Variants in SEMA3G observed in about 807,000 individuals in gnomAD.
SEMA3G encodes semaphorin-3G.
In SEMA3G, 70 loss-of-function variants were observed where a neutral mutation model predicts 86.2. That is an observed-to-expected ratio of 0.81 (90% CI 0.67 to 0.99). The LOEUF is 0.99. SEMA3G is among the 50% of genes least tolerant of loss of function. The pLI, the probability that SEMA3G is intolerant of heterozygous loss-of-function variation, is 0.00. For missense variants in SEMA3G, 1,002 were observed against 1,072.4 expected (o/e 0.93, Z 0.92); for synonymous variants, 416 against 441.4 (o/e 0.94, Z 0.72).
chr3:52,442,550 A>G lies in SEMA3G; in HGVS notation c.339+9T>C, dbSNP rs1374626531. ...AGGTCGGGGGACCATCCCTCCCGAC[A>G]GCACTCACCAAAGGATCTCTTCCCT... On this transcript the variant is annotated intron_variant, in intron 3 of 15. Transcript: ENST00000231721. The surrounding 1 kb of genome is among the most constrained non-coding windows in gnomAD (Gnocchi z 6.1). 1 of 1,614,034 alleles carries G rather than the reference A, an allele frequency of 6.2e-7. No individual in the cohort carries two copies. The highest frequency in any genetic ancestry group is 1.1e-5 in the South Asian group (1 of 91,084).
rs369798752 is a variant in SEMA3G at position 52,440,349 on chromosome 3, C to CCCTGG, written c.1143+23_1143+27dup. ...CCCCACATCTGCTCAGGCCTCGCTTCCCTGGCCTGGCCCCAGCAGATACTC... is the reference window on the plus strand; with the variant it reads ...CCCCACATCTGCTCAGGCCTCGCTTCCCTGGCCTGGCCTGGCCCCAGCAGATACTC... On this transcript the variant is annotated intron_variant, in intron 10 of 15. Coordinates refer to ENST00000231721, the MANE Select transcript of SEMA3G (RefSeq NM_020163.3). 5 of 1,562,478 alleles carry CCCTGG rather than the reference C, an allele frequency of 3.2e-6. No homozygotes were observed. The African/African-American group carries it at 5.5e-5, about 17-fold the overall frequency.
At position 52,442,865 on chromosome 3, in the gene SEMA3G, T is replaced by TG. The variant is rs1559612293; in HGVS notation, c.157dup (p.Gln53ProfsTer13). 2 of 1,608,760 alleles carry TG rather than the reference T, an allele frequency of 1.2e-6. No homozygotes were observed. The highest frequency in any genetic ancestry group is 1.7e-6 in the Non-Finnish European group (2 of 1,177,622). On this transcript the variant is annotated frameshift_variant, in exon 2 of 16. Coordinates refer to ENST00000231721, the MANE Select transcript of SEMA3G (RefSeq NM_020163.3). LOFTEE classifies it high-confidence loss of function. The surrounding 1 kb of genome is among the most constrained non-coding windows in gnomAD (Gnocchi z 6.1). ...CATGGCCTGGAGGTTCAGGGAGCCC[T>TG]GGGGGCCCAGAAAGATGGCAGAGCG...
At position 52,435,898 on chromosome 3, in the gene SEMA3G, G is replaced by A. The variant is rs143787641; in HGVS notation, c.2054C>T (p.Pro685Leu). Residue 685 changes from proline (P) to leucine (L), a missense_variant, in exon 16 of 16, where the codon CCG becomes CTG. Transcript: ENST00000231721. ...TGGGGGCTCCTCTGGCTTTGGCTCC[G>A]GAGGGAACAGGTTGTCCAGCTGTGA... The part of the protein sequence containing the change: ...VASQLDNLFP[P>L]EPKPEEPPAR... The A allele has an allele frequency of 1.7e-5, 27 of 1,613,912 alleles. No individual in the cohort carries two copies. The highest frequency in any genetic ancestry group is 1.6e-4 in the Middle Eastern group (1 of 6,084).
At position 52,440,998 on chromosome 3, in the gene SEMA3G, G is replaced by T; in HGVS notation, c.864C>A (p.Leu288=). Residue 288 remains leucine (L), a synonymous_variant, in exon 8 of 16, where the codon CTC becomes CTA. Coordinates refer to ENST00000231721, the MANE Select transcript of SEMA3G (RefSeq NM_020163.3). ...GCACCGAGCAGACCAGCCTGGCCTT[G>T]AGGAAAGTGCTCCATTTGTTCACCA... ...RVLVNKWSTF[L]KARLVCSVPG... is the part of the protein sequence containing the mutation. 6.2e-7 allele frequency: 1 copy of T among 1,605,532 alleles called. No homozygotes were observed.
At chr3:52,441,124 C>T (rs1311091421) in intron 7 of SEMA3G, 76 bp from the exon 8 acceptor site, 3 of 1,471,012 alleles carry the variant, frequency 2.0e-6, no homozygotes, top group Non-Finnish European at 2.8e-6. Context: ...TACCCTCACC[C>T]ACTCGGGGAG....
In SEMA3G at chr3:52,442,325, T is replaced by G. The variant is rs1578259245; in HGVS notation, c.340-21A>C. On this transcript the variant is annotated intron_variant, in intron 3 of 15. Transcript: ENST00000231721. The surrounding 1 kb of genome is among the most constrained non-coding windows in gnomAD (Gnocchi z 6.1). ...TCTGTCTGCGGGGAGAAGGAGGGGG[T>G]GGTTGAGGGGTGAGAGGGGGTGCCC... 6.4e-7 allele frequency: 1 copy of G among 1,551,806 alleles called. No individual in the cohort carries two copies. The highest frequency in any genetic ancestry group is 8.7e-7 in the Non-Finnish European group (1 of 1,147,486).
intron 1 of SEMA3G, chr3:52,443,179 T>G: frequency 3.0e-6 from 2 of 677,806 alleles, no homozygotes; most frequent in Non-Finnish European, 2.4e-6. Context: ...AGCTAACATC[T>G]TCCCACTGTC....
chr3:52,439,046 G>T, intron 12 of SEMA3G, 85 bp from the exon 13 acceptor site: 2 of 1,471,020 alleles, frequency 1.4e-6, no homozygotes, highest in South Asian at 1.2e-5. Flanking sequence ...TCCAACCCTG[G>T]GGTGGGAACC....
chr3:52,437,050 G>A (rs1237127011), intron 15 of SEMA3G, among the ~76,000 whole-genome samples: 2 of 152,182 alleles, frequency 1.3e-5, no homozygotes, highest in African/African-American at 4.8e-5. Context: ...AGGAAGTGTG[G>A]GGCCAGGCTT....
chr3:52,441,122 C>A, intron 7 of SEMA3G, 74 bp from the exon 8 acceptor site: 1 of 1,471,588 alleles, frequency 6.8e-7, no homozygotes, highest in Non-Finnish European at 9.2e-7. Context: ...TCTACCCTCA[C>A]CCACTCGGGG....
intron 7 of SEMA3G, 87 bp from the exon 8 acceptor site, chr3:52,441,135 A>G: frequency 6.8e-7 from 1 of 1,464,996 alleles, no homozygotes; most frequent in Non-Finnish European, 9.3e-7. Context: ...ACTCGGGGAG[A>G]GGTATGCATG....
Position 52,442,197 on chromosome 3 carries a change from G to A in SEMA3G, c.447C>T (p.Gly149=). The change falls in exon 4 of 16, where the codon GGC becomes GGT. Residue 149 remains glycine (G), a synonymous_variant. Coordinates refer to ENST00000231721, the MANE Select transcript of SEMA3G (RefSeq NM_020163.3). The surrounding 1 kb of genome is among the most constrained non-coding windows in gnomAD (Gnocchi z 6.1). ...FQPTCALITV[G]HRGEHVLHLE... The stretch of plus-strand genomic sequence containing the variant: ...GGCCCAGGCTCACCTCCCCACGGTG[G>A]CCAACTGTGATGAGGGCACAGGTGG... 1 of 1,613,342 alleles carries A rather than the reference G, an allele frequency of 6.2e-7. No individual in the cohort carries two copies. The highest frequency in any genetic ancestry group is 8.5e-7 in the Non-Finnish European group (1 of 1,179,662).
In SEMA3G at chr3:52,440,374, C is replaced by A; in HGVS notation, c.1143+3G>T. 1.3e-6 allele frequency: 2 copies of A among 1,597,542 alleles called. No homozygotes were observed. The highest frequency in any genetic ancestry group is 8.5e-7 in the Non-Finnish European group (1 of 1,173,654). On this transcript the variant is annotated splice_donor_region_variant and intron_variant, in intron 10 of 15. Transcript: ENST00000231721. ...CCCTGGCCTGGCCCCAGCAGATACT[C>A]ACCACGCCAGGGCGAGGGAAGGGCA...
At position 52,439,975 on chromosome 3, in the gene SEMA3G, CA is replaced by C. The variant is rs757273370; in HGVS notation, c.1266del (p.His422GlnfsTer206). 6.2e-7 allele frequency: 1 copy of C among 1,613,740 alleles called. No homozygotes were observed. Among genetic ancestry groups the C allele is most frequent in the Non-Finnish European group, 8.5e-7 (1 of 1,179,984 alleles). ...TGGGTCTTGACAAGGACAGGGCGGCCATGTCGAGGCCGCACAGGCCAGAACA... is the reference window on the plus strand; with the variant it reads ...TGGGTCTTGACAAGGACAGGGCGGCCTGTCGAGGCCGCACAGGCCAGAACA... ...PLMFWPVRPRHGRPVLVKTHL... is the reference protein window; with the variant it reads ...PLMFWPVRPRXGRPVLVKTHL... On this transcript the variant is annotated frameshift_variant, in exon 11 of 16. Coordinates refer to ENST00000231721, the MANE Select transcript of SEMA3G (RefSeq NM_020163.3). LOFTEE classifies it high-confidence loss of function.
chr3:52,440,831 A>G lies in SEMA3G; in HGVS notation c.929-8T>C. 2 of 1,611,302 alleles carry G rather than the reference A, an allele frequency of 1.2e-6. No homozygotes were observed. Among genetic ancestry groups the G allele is most frequent in the Middle Eastern group, 1.6e-4 (1 of 6,062 alleles). ...ACAGCAGGAACACATCCTCTGGGGT[A>G]GAGAAAGGAGTATGAGTGTCATGGC... On this transcript the variant is annotated splice_region_variant and splice_polypyrimidine_tract_variant and intron_variant, in intron 8 of 15. Coordinates refer to ENST00000231721, the MANE Select transcript of SEMA3G (RefSeq NM_020163.3).
rs561801072 is a variant in SEMA3G, at chr3:52,436,044, C to G, written c.1908G>C (p.Thr636=). The change falls in exon 16 of 16, where the codon ACG becomes ACC. Residue 636 remains threonine, a synonymous_variant. Coordinates refer to ENST00000231721, the MANE Select transcript of SEMA3G (RefSeq NM_020163.3). The part of the protein sequence containing the change: ...QVKTDERVLH[T]ERGLLFRRLS... ...GCCTGCGGAACAGCAGCCCCCGCTC[C>G]GTGTGCAAGACTCGCTCGTCCGTCT... 2.5e-6 allele frequency: 4 copies of G among 1,612,154 alleles called. No individual in the cohort carries two copies. In the South Asian group the frequency reaches 3.3e-5, roughly 13 times the overall value.
At chr3:52,436,820 A>G (rs1396896749) in intron 15 of SEMA3G, among the ~76,000 whole-genome samples, 2 of 152,110 alleles carry the variant, frequency 1.3e-5, no homozygotes, top group East Asian at 3.9e-4. Context: ...CCCCTGGGGA[A>G]TCTTCTCAGT....
At chr3:52,436,741 G>T (rs1420200373) in intron 15 of SEMA3G, among the ~76,000 whole-genome samples, 4 of 152,234 alleles carry the variant, frequency 2.6e-5, no homozygotes, top group Non-Finnish European at 5.9e-5. Context: ...CTGCACATCT[G>T]TGTGTTGGGG....
chr3:52,440,404 GC>G lies in SEMA3G; in HGVS notation c.1115del (p.Gly372AlafsTer15), dbSNP rs1706128606. ...CGCCAGGGCGAGGGAAGGGCACCTT[GC>G]CCCCATAGGGCCCCCACTGGTGCTG... ...GPQHQWGPYGGKVPFPRPGVC... is the reference protein window; with the variant it reads ...GPQHQWGPYGXKVPFPRPGVC... On this transcript the variant is annotated frameshift_variant, in exon 10 of 16. Transcript: ENST00000231721. LOFTEE classifies it high-confidence loss of function. 1.2e-5 allele frequency: 19 copies of G among 1,609,154 alleles called. No homozygotes were observed. The highest frequency in any genetic ancestry group is 4.5e-5 in the East Asian group (2 of 44,790).
Sources: allele counts gnomAD v4.1 joint callset (sites outside exome capture counted in the v4.1 genomes callset), GRCh38; gene constraint gnomAD v4.1.1; non-coding constraint Gnocchi (gnomAD v3.1); transcripts MANE v1.5; gene names NCBI Gene and HGNC (gene_info 2026-07-23, HGNC 2026-07-21).